Variants in SLC4A7 observed in about 807,000 individuals in gnomAD.
The protein encoded by SLC4A7 is solute carrier family 4 member 7, also known as sodium bicarbonate cotransporter 3.
A neutral mutation model predicts 137.6 loss-of-function variants in SLC4A7; 51 were observed. The observed-to-expected ratio is 0.37, with a 90% CI of 0.30 to 0.47. The LOEUF is 0.47. Among genes scored for constraint, SLC4A7 ranks in the 20% least tolerant of loss-of-function variants. The pLI is 1.00. For missense variants in SLC4A7, 1,247 were observed against 1,525.4 expected (o/e 0.82, Z 3.04); for synonymous variants, 542 against 518.6 (o/e 1.05, Z -0.61).
At chr3:27,403,587 A>G (rs1333686964) in intron 14 of SLC4A7, among the ~76,000 whole-genome samples, 1 of 151,966 alleles carries the variant, frequency 6.6e-6, no homozygotes, top group Non-Finnish European at 1.5e-5. Flanking sequence ...TAGATTTATT[A>G]TTAATAAATT....
intron 13 of SLC4A7, among the ~76,000 whole-genome samples, chr3:27,407,185 A>T (rs1450208336): frequency 6.6e-6 from 1 of 151,288 alleles, no homozygotes; most frequent in Non-Finnish European, 1.5e-5. Flanking sequence ...TTTTCCCCTA[A>T]AGAAATCACA....
chr3:27,460,727 T>C (rs968227183), intron 1 of SLC4A7, among the ~76,000 whole-genome samples: 1 of 152,214 alleles, frequency 6.6e-6, no homozygotes, highest in Admixed American at 6.5e-5. Context: ...GAAAACCTTT[T>C]CATGTTCAAA....
Position 27,484,200 on chromosome 3 carries a change from G to A in SLC4A7, c.-74C>T. The A allele has an allele frequency of 8.8e-7, 1 of 1,135,222 alleles. No individual in the cohort carries two copies. The highest frequency in any genetic ancestry group is 1.6e-5 in the African/African-American group (1 of 61,812). 70.3% of individuals were successfully genotyped at this position (1,135,222 alleles called of 1,614,324 possible). On this transcript the variant is annotated 5_prime_UTR_variant, in exon 1 of 26. Coordinates refer to ENST00000454389, the MANE Select transcript of SLC4A7 (RefSeq NM_001321103.2). ...TCTGCCTGCTTCTGCCGCTGCCCCT[G>A]CCGCCGCCGCCGAGCCCCCGGCGCG...
chr3:27,481,008 C>G (rs1219807648), intron 1 of SLC4A7, among the ~76,000 whole-genome samples: 1 of 152,092 alleles, frequency 6.6e-6, no homozygotes, highest in Non-Finnish European at 1.5e-5. Context: ...ATAACAAAAT[C>G]ATGGAAAAAT....
intron 20 of SLC4A7, among the ~76,000 whole-genome samples, chr3:27,392,574 T>A (rs1381730776): frequency 6.6e-6 from 1 of 152,036 alleles, no homozygotes; most frequent in Non-Finnish European, 1.5e-5. Context: ...GCCTGTAATC[T>A]CAGCATTTCG....
chr3:27,440,284 G>C (rs2057084635), intron 3 of SLC4A7, among the ~76,000 whole-genome samples: 1 of 151,978 alleles, frequency 6.6e-6, no homozygotes, highest in Admixed American at 6.6e-5. Context: ...TACATTCCTG[G>C]GGTCAGGATC....
chr3:27,423,940 A>T (rs1191731834), intron 8 of SLC4A7, 97 bp downstream of exon 8: 3 of 714,302 alleles, frequency 4.2e-6, no homozygotes, highest in African/African-American at 3.6e-5. Context: ...TCTACTAAAA[A>T]ATTACTATCA....
intron 21 of SLC4A7, 35 bp downstream of exon 21, chr3:27,391,705 T>C (rs746183948): frequency 2.5e-6 from 3 of 1,192,372 alleles, no homozygotes; most frequent in Non-Finnish European, 3.7e-6. Context: ...AATTATCAAG[T>C]TTCTATAGAA....
intron 5 of SLC4A7, 106 bp downstream of exon 5, chr3:27,436,282 C>T: frequency 1.3e-6 from 1 of 746,558 alleles, no homozygotes. Context: ...TATCTTATTT[C>T]CTTATACTGC....
At chr3:27,456,779 G>T in intron 1 of SLC4A7, 1 of 1,540,692 alleles carries the variant, frequency 6.5e-7, no homozygotes. Context: ...AGGTCACTGT[G>T]CTTTGCAGAG....
At chr3:27,407,900 T>A (rs1278495438) in intron 13 of SLC4A7, among the ~76,000 whole-genome samples, 1 of 152,150 alleles carries the variant, frequency 6.6e-6, no homozygotes, top group Admixed American at 6.5e-5. Flanking sequence ...ATCTTTACAT[T>A]TCCTCCTCAC....
At chr3:27,466,032 T>C (rs2371066) in intron 1 of SLC4A7, among the ~76,000 whole-genome samples, 4,380 of 151,950 alleles carry the variant, frequency 0.029, 223 homozygotes, top group African/African-American at 0.1. Context: ...GTAGTATCCA[T>C]TTAAGTTCCT....
chr3:27,392,352 G>T (rs2051652308), intron 20 of SLC4A7, among the ~76,000 whole-genome samples: 1 of 152,104 alleles, frequency 6.6e-6, no homozygotes, highest in South Asian at 2.1e-4. Flanking sequence ...AGAAAGTCTG[G>T]CTATTAACAG....
chr3:27,393,908 A>G (rs923283326), intron 20 of SLC4A7, among the ~76,000 whole-genome samples: 1 of 152,206 alleles, frequency 6.6e-6, no homozygotes, highest in African/African-American at 2.4e-5. Context: ...GCAGCTCTCA[A>G]ACTCTGTGGT....
rs1011268167 is a variant in SLC4A7 at position 27,373,005 on chromosome 3, T to C, written c.*3759A>G. On this transcript the variant is annotated 3_prime_UTR_variant, in exon 26 of 26. Transcript: ENST00000454389. ...TATCAGATTTTATATAAATGAACAA[T>C]AAAATTCAATTTTTATTTATTTAAA... The C allele has an allele frequency of 1.4e-5, 2 of 143,914 alleles. No individual in the cohort carries two copies. The highest frequency in any genetic ancestry group is 2.6e-5 in the African/African-American group (1 of 38,520). The allele number at this position is 143,914 out of a possible 1,614,324, so 8.9% of individuals were successfully genotyped here.
intron 7 of SLC4A7, 78 bp from the exon 8 acceptor site, chr3:27,424,230 G>T: frequency 2.9e-6 from 2 of 692,466 alleles, no homozygotes; most frequent in South Asian, 2.0e-5. Flanking sequence ...TTCTGAAAGT[G>T]ATGATTTATG....
At chr3:27,408,398 T>C (rs905518318) in intron 13 of SLC4A7, among the ~76,000 whole-genome samples, 1 of 152,216 alleles carries the variant, frequency 6.6e-6, no homozygotes, top group Non-Finnish European at 1.5e-5. Context: ...ACTAAAAATA[T>C]GGACCTTTGA....
Position 27,394,624 on chromosome 3 carries a change from G to A in SLC4A7, c.3011C>T (p.Ala1004Val), listed in dbSNP as rs781741335. The A allele has an allele frequency of 1.2e-6, 2 of 1,614,180 alleles. No homozygotes were observed. The highest frequency in any genetic ancestry group is 1.7e-5 in the Admixed American group (1 of 60,036). Residue 1004 changes from alanine (A) to valine (V), a missense_variant, in exon 20 of 26, where the codon GCT (alanine) becomes GTT (valine). This residue lies in a region of SLC4A7 where 290 missense variants were observed against 323.8 expected (regional missense o/e 0.90). Coordinates refer to ENST00000454389, the MANE Select transcript of SLC4A7 (RefSeq NM_001321103.2). Reference sequence around the variant, plus strand: ...CAAAAACTTGGGTTGTTCCCCTGGAGCAGAACATTCAGATTCAACTTTTAA... The same window carrying A: ...CAAAAACTTGGGTTGTTCCCCTGGAACAGAACATTCAGATTCAACTTTTAA... The part of the protein sequence containing the change: ...NSLKVESECS[A>V]PGEQPKFLGI...
At chr3:27,391,512 A>C (rs948991377) in intron 21 of SLC4A7, among the ~76,000 whole-genome samples, 16 of 152,250 alleles carry the variant, frequency 1.1e-4, no homozygotes, top group East Asian at 1.9e-4. Flanking sequence ...CATTGGCTTC[A>C]ATTAAAAACA....
Sources: gnomAD v4.1 joint callset for allele counts (sites outside exome capture counted in the v4.1 genomes callset) on GRCh38, gnomAD v4.1.1 for gene constraint, gnomAD v4.1.1 regional missense constraint, MANE v1.5 for transcripts, NCBI Gene and HGNC (gene_info 2026-07-23, HGNC 2026-07-21) for gene names.